PCDHA4: variants seen among roughly 807,000 people sequenced by gnomAD.
PCDHA4 encodes the protein protocadherin alpha 4, also known as protocadherin alpha-4.
PCDHA4 carries 49 observed loss-of-function variants against 61.4 expected under a neutral mutation model. The ratio of observed to expected loss-of-function variants is 0.80; its 90% CI spans 0.63 to 1.01. The LOEUF (loss-of-function observed/expected upper bound fraction) is 1.01. PCDHA4 is among the 50% of genes least tolerant of loss of function. The pLI is 0.00. For synonymous variants in PCDHA4, 590 were observed against 550.3 expected (o/e 1.07, Z -1.01); for missense variants, 1,254 against 1,235.8 (o/e 1.01, Z -0.22).
intron 1 of PCDHA4, chr5:140,867,818 C>G (rs1319756642): frequency 6.6e-6 from 1 of 152,040 alleles, no homozygotes; most frequent in African/African-American, 2.4e-5. Flanking sequence ...AATTCCATTT[C>G]CACAAGCACT....
At chr5:140,836,687 C>A (rs2150267868) in intron 1 of PCDHA4, 2 of 1,613,458 alleles carry the variant, frequency 1.2e-6, no homozygotes, top group Non-Finnish European at 1.7e-6. Context: ...CCAAGACAGA[C>A]CTCATGGCCT....
chr5:140,824,274 ATGC>A, intron 1 of PCDHA4: 2 of 1,155,556 alleles, frequency 1.7e-6, no homozygotes, highest in Non-Finnish European at 2.5e-6. Context: ...CATGTATTAT[ATGC>A]TTTTTATGAG....
In PCDHA4 at chr5:140,919,966, A is replaced by G. The variant is rs1472155046; in HGVS notation, c.2386-58983A>G. Among the ~76,000 whole-genome samples, 3 of 139,590 alleles carry G rather than the reference A, an allele frequency of 2.1e-5. No homozygotes were observed. The East Asian group carries it at 7.1e-4, about 33-fold the overall frequency. The allele number at this position is 139,590 out of a possible 152,430, so 91.6% of individuals were successfully genotyped here. On this transcript the variant is annotated intron_variant, in intron 1 of 3. Transcript: ENST00000530339. ...GTGAAAAGTTTGTTTTGTTTTTTAA[A>G]TAAGAGATAGAAGATGGAAAACAGA...
intron 1 of PCDHA4, chr5:140,852,931 T>C: frequency 1.6e-6 from 1 of 623,668 alleles, no homozygotes; most frequent in Non-Finnish European, 2.1e-6. Context: ...CAGGCTGGAG[T>C]GCAGTGGTGC....
chr5:140,968,046 T>A (rs1554230254), intron 1 of PCDHA4: 2 of 1,614,072 alleles, frequency 1.2e-6, no homozygotes, highest in African/African-American at 1.3e-5. Context: ...AGCGGCCCAC[T>A]GGACCGAGAG....
intron 1 of PCDHA4, chr5:140,856,305 A>G (rs782323132): frequency 1.9e-6 from 3 of 1,598,594 alleles, no homozygotes; most frequent in Non-Finnish European, 2.6e-6. Flanking sequence ...TTGTTTGTGA[A>G]TTCTCGGATT....
intron 1 of PCDHA4, chr5:140,825,426 T>A (rs1234497621): frequency 6.8e-6 from 1 of 147,558 alleles, no homozygotes; most frequent in African/African-American, 2.5e-5. Context: ...ATATATATAA[T>A]AAATATATAA....
intron 1 of PCDHA4, among the ~76,000 whole-genome samples, chr5:140,838,075 ATAGTGTGTGT>A (rs2150283218): frequency 0.079 from 10,117 of 127,694 alleles, 686 homozygotes; most frequent in African/African-American, 0.19. Flanking sequence ...TTATATATAT[ATAGTGTGTGT>A]GTGTGTGTGT....
At chr5:140,850,545 G>C in intron 1 of PCDHA4, 1 of 1,598,382 alleles carries the variant, frequency 6.3e-7, no homozygotes, top group South Asian at 1.1e-5. Context: ...GCGGGCGTCA[G>C]TGGGTGCCAC....
chr5:140,922,272 G>A (rs547313117), intron 1 of PCDHA4, among the ~76,000 whole-genome samples: 37 of 152,312 alleles, frequency 2.4e-4, no homozygotes, highest in African/African-American at 8.7e-4. Flanking sequence ...ATGAAGATTG[G>A]ACCAAGATAT....
chr5:140,834,580 C>A lies in PCDHA4; in HGVS notation c.2385+25008C>A, dbSNP rs782011323. 9 of 1,613,900 alleles carry A rather than the reference C, an allele frequency of 5.6e-6. No homozygotes were observed. The Admixed American group carries it at 8.3e-5, about 15-fold the overall frequency. Reference sequence around the variant, plus strand: ...GAGCTGGTGCCGCGCCTGTTCCGGGCGGTGTGCAAATTCCGTGGGGATCTT... The same window carrying A: ...GAGCTGGTGCCGCGCCTGTTCCGGGAGGTGTGCAAATTCCGTGGGGATCTT... On this transcript the variant is annotated intron_variant, in intron 1 of 3. Coordinates refer to ENST00000530339, the MANE Select transcript of PCDHA4 (RefSeq NM_018907.4).
At chr5:140,853,068 A>G (rs2042618131) in intron 1 of PCDHA4, 1 of 280,152 alleles carries the variant, frequency 3.6e-6, no homozygotes, top group Non-Finnish European at 5.5e-6. Context: ...TTTAGTAGAG[A>G]TGGGGTTTCA....
intron 3 of PCDHA4, among the ~76,000 whole-genome samples, chr5:141,002,223 T>C (rs2098066619): frequency 6.6e-6 from 1 of 151,974 alleles, no homozygotes. Flanking sequence ...AAATGATGGG[T>C]TTTCTGGAAG....
chr5:140,951,196 T>A (rs1438872650), intron 1 of PCDHA4, among the ~76,000 whole-genome samples: 1 of 152,190 alleles, frequency 6.6e-6, no homozygotes, highest in African/African-American at 2.4e-5. Context: ...AATTCCCACA[T>A]CTGTGTCATC....
chr5:140,858,415 T>C lies in PCDHA4; in HGVS notation c.2385+48843T>C. Reference sequence around the variant, plus strand: ...ATGTGGACGGGGAAGATCAGTCTATTGGAGGGGACCACTCTAGGAAGGTGG... The same window carrying C: ...ATGTGGACGGGGAAGATCAGTCTATCGGAGGGGACCACTCTAGGAAGGTGG... On this transcript the variant is annotated intron_variant, in intron 1 of 3. Transcript: ENST00000530339. 1.9e-6 allele frequency: 3 copies of C among 1,561,830 alleles called. 1 individual carries two copies. The highest frequency in any genetic ancestry group is 2.6e-6 in the Non-Finnish European group (3 of 1,145,536).
intron 1 of PCDHA4, among the ~76,000 whole-genome samples, chr5:140,977,055 A>T (rs1220462981): frequency 1.3e-5 from 2 of 152,234 alleles, no homozygotes; most frequent in African/African-American, 4.8e-5. Flanking sequence ...CTGATGGACT[A>T]GTATAGAAAA....
intron 1 of PCDHA4, chr5:140,883,520 G>T (rs1554178526): frequency 6.2e-7 from 1 of 1,614,104 alleles, no homozygotes; most frequent in African/African-American, 1.3e-5. Context: ...CCGCGAGAGC[G>T]TATCAGCCTA....
At position 140,993,767 on chromosome 5, in the gene PCDHA4, G is replaced by C. The variant is rs115607244; in HGVS notation, c.2533+11204G>C. ...ATACTTGCCATTATATTACAATTGC[G>C]CAGTATTTTGTACAGTAACATGCTG... On this transcript the variant is annotated intron_variant, in intron 3 of 3. Transcript: ENST00000530339. Among the ~76,000 whole-genome samples, 826 of 152,124 alleles carry C rather than the reference G, an allele frequency of 5.4e-3. 11 individuals are homozygous for C. Among genetic ancestry groups the C allele is most frequent in the African/African-American group, 0.018 (749 of 41,482 alleles).
At chr5:140,904,091 C>A (rs536225769) in intron 1 of PCDHA4, among the ~76,000 whole-genome samples, 16 of 152,082 alleles carry the variant, frequency 1.1e-4, no homozygotes, top group Non-Finnish European at 1.8e-4. Flanking sequence ...ACATGAATAA[C>A]TACTTTAGTG....
Sources: allele counts gnomAD v4.1 joint callset (sites outside exome capture counted in the v4.1 genomes callset), GRCh38; gene constraint gnomAD v4.1.1; transcripts MANE v1.5; gene names NCBI Gene and HGNC (gene_info 2026-07-23, HGNC 2026-07-21).